The following HIPK4 variants were observed in gnomAD, a reference collection of about 807,000 sequenced individuals.
HIPK4 encodes the protein homeodomain interacting protein kinase 4, also known as homeodomain-interacting protein kinase 4.
HIPK4 carries 26 observed loss-of-function variants against 44.8 expected under a neutral mutation model. That is an observed-to-expected ratio of 0.58 (90% CI 0.43 to 0.80). The LOEUF is 0.80. Among genes scored for constraint, HIPK4 ranks in the 30% least tolerant of loss-of-function variants. The probability of loss-of-function intolerance (pLI) is 0.00; values close to 1 mark genes in which losing one functional copy is unlikely to be tolerated. For synonymous variants in HIPK4, 340 were observed against 355.5 expected (o/e 0.96, Z 0.49); for missense variants, 729 against 862.6 (o/e 0.85, Z 1.94).
intron 2 of HIPK4, among the ~76,000 whole-genome samples, chr19:40,382,906 G>A (rs2079344050): frequency 6.6e-6 from 1 of 151,212 alleles, no homozygotes; most frequent in Non-Finnish European, 1.5e-5. Flanking sequence ...AAATTGCCGG[G>A]TGTGATGGTG....
chr19:40,383,712 T>A, intron 2 of HIPK4, 71 bp downstream of exon 2: 1 of 1,213,162 alleles, frequency 8.2e-7, no homozygotes, highest in Non-Finnish European at 1.2e-6. Flanking sequence ...GTGAGCCACG[T>A]TGCCCACCCT....
In HIPK4 at chr19:40,380,331, C is replaced by G. The variant is rs1382302405; in HGVS notation, c.1660G>C (p.Glu554Gln). 6.2e-7 allele frequency: 1 copy of G among 1,612,822 alleles called. No individual in the cohort carries two copies. The highest frequency in any genetic ancestry group is 8.5e-7 in the Non-Finnish European group (1 of 1,179,006). Residue 554 changes from glutamate (E) to glutamine (Q), a missense_variant, in exon 3 of 4, where the codon GAA (glutamate) becomes CAA (glutamine). Physicochemically the swap from Glu to Gln is conservative, Grantham distance 29 (BLOSUM62 2). Coordinates refer to ENST00000291823, the MANE Select transcript of HIPK4 (RefSeq NM_144685.5). The surrounding 1 kb of genome is among the most constrained non-coding windows in gnomAD (Gnocchi z 4.2). ...DGPNIDNMTM[E>Q]AERPDPELFD... is the part of the protein sequence containing the mutation. ...GAACGCACCCGGCTCACCTCAGCTT[C>G]CATGGTCATGTTGTCAATGTTGGGC...
chr19:40,389,457 C>A lies in HIPK4; in HGVS notation c.446G>T (p.Arg149Leu), dbSNP rs776313176. Residue 149 changes from arginine (R) to leucine (L), a missense_variant, in exon 1 of 4, where the codon CGC (arginine) becomes CTC (leucine). By Grantham distance (102) the Arg-to-Leu change is moderately radical (BLOSUM62 -2). Transcript: ENST00000291823. The surrounding 1 kb of genome is among the most constrained non-coding windows in gnomAD (Gnocchi z 4.6). The part of the protein sequence containing the change: ...PENIMLVDQT[R>L]CPFRVKVIDF... Reference sequence around the variant, plus strand: ...ACTCACCTTGACCCTGAAGGGGCAGCGGGTCTGGTCCACCAGCATGATGTT... The same window carrying A: ...ACTCACCTTGACCCTGAAGGGGCAGAGGGTCTGGTCCACCAGCATGATGTT... 1.9e-6 allele frequency: 3 copies of A among 1,586,470 alleles called. No individual in the cohort carries two copies. Among genetic ancestry groups the A allele is most frequent in the Non-Finnish European group, 2.6e-6 (3 of 1,162,844 alleles).
At position 40,381,099 on chromosome 19, in the gene HIPK4, T is replaced by C. The variant is rs1298137538; in HGVS notation, c.892A>G (p.Ser298Gly). Residue 298 changes from serine to glycine, a missense_variant, in exon 3 of 4, where the codon AGT becomes GGT. Ser to Gly is a moderately conservative substitution (Grantham distance 56). This residue lies in a region of HIPK4 where 533 missense variants were observed against 567.5 expected (regional missense o/e 0.94). Transcript: ENST00000291823. Reference sequence around the variant, plus strand: ...GGGAAGGTTAGCCGACTGGCCACACTGCCACCATTCACTGTCTCAATCTGG... The same window carrying C: ...GGGAAGGTTAGCCGACTGGCCACACCGCCACCATTCACTGTCTCAATCTGG... ...LDQIETVNGG[S>G]VASRLTFPDR... The C allele has an allele frequency of 6.2e-7, 1 of 1,611,328 alleles. No individual in the cohort carries two copies. Among genetic ancestry groups the C allele is most frequent in the Admixed American group, 1.7e-5 (1 of 60,010 alleles).
chr19:40,383,081 C>CTT (rs71171564), intron 2 of HIPK4, among the ~76,000 whole-genome samples: 7 of 78,582 alleles, frequency 8.9e-5, no homozygotes, highest in East Asian at 4.4e-4. Context: ...TCTTTTCTTT[C>CTT]TTTTTTTTTT....
chr19:40,388,851 C>A (rs527893858), intron 1 of HIPK4, among the ~76,000 whole-genome samples: 4 of 152,164 alleles, frequency 2.6e-5, no homozygotes, highest in Non-Finnish European at 5.9e-5. Context: ...ACTTTGAGAC[C>A]AGCCTGGGCA....
chr19:40,387,591 G>A (rs1000172461), intron 1 of HIPK4, among the ~76,000 whole-genome samples: 8 of 151,874 alleles, frequency 5.3e-5, no homozygotes, highest in Admixed American at 3.3e-4. Flanking sequence ...CGATTCTCCT[G>A]CATCAGCCTC....
rs142414559 is a variant in HIPK4, at chr19:40,385,683, CTTTTTTTT to C, written c.466-1552_466-1545del. ...CCTGTTTTTCTTTTTCTTTTCTTTTCTTTTTTTTTTTTTTTTTTTTTTTTTTGAGTCGG... is the reference window on the plus strand; with the variant it reads ...CCTGTTTTTCTTTTTCTTTTCTTTTCTTTTTTTTTTTTTTTTTTGAGTCGG... On this transcript the variant is annotated intron_variant, in intron 1 of 3. Coordinates refer to ENST00000291823, the MANE Select transcript of HIPK4 (RefSeq NM_144685.5). Among the ~76,000 whole-genome samples the C allele has an allele frequency of 9.0e-5, 6 of 67,022 alleles. No homozygotes were observed. The South Asian group carries it at 1.4e-3, about 16-fold the overall frequency. The allele number at this position is 67,022 out of a possible 152,430, so 44.0% of individuals were successfully genotyped here. A position where few individuals can be genotyped will look rare whatever the true frequency, so the allele number is the denominator to read the frequency against.
At chr19:40,382,062 T>G (rs1441614162) in intron 2 of HIPK4, among the ~76,000 whole-genome samples, 2 of 152,062 alleles carry the variant, frequency 1.3e-5, no homozygotes, top group East Asian at 3.9e-4. Context: ...CACCTCGGCC[T>G]CCCAAAGTGC....
At chr19:40,388,171 C>T (rs1284265123) in intron 1 of HIPK4, among the ~76,000 whole-genome samples, 1 of 152,092 alleles carries the variant, frequency 6.6e-6, no homozygotes, top group Non-Finnish European at 1.5e-5. Context: ...GTGCCCGCCA[C>T]CACACCCGGC....
At position 40,379,539 on chromosome 19, in the gene HIPK4, C is replaced by T; in HGVS notation, c.*48G>A. The T allele has an allele frequency of 7.0e-7, 1 of 1,431,448 alleles. No homozygotes were observed. 88.7% of individuals were successfully genotyped at this position (1,431,448 alleles called of 1,614,324 possible). A position where few individuals can be genotyped will look rare whatever the true frequency, so the allele number is the denominator to read the frequency against. ...AGCAGTTCAGGTTGGGAGGGAATGC[C>T]AGCCCAGCTAGCGCAGCCCCCAGTG... is the stretch of plus-strand genomic sequence containing the variant. On this transcript the variant is annotated 3_prime_UTR_variant, in exon 4 of 4. Transcript: ENST00000291823.
chr19:40,388,137 C>T (rs1693761580), intron 1 of HIPK4, among the ~76,000 whole-genome samples: 2 of 151,606 alleles, frequency 1.3e-5, no homozygotes, highest in East Asian at 3.9e-4. Flanking sequence ...TCTGCTTCAG[C>T]CTCTGGAGTA....
rs1195732831 is a variant in HIPK4, at chr19:40,380,563, G to A, written c.1428C>T (p.Ala476=). ...GGCCTGCCAGGCGGCTGCTGTAGAA[G>A]GCCAGGATGGGCTCAGGGCCCGAGT... The part of the protein sequence containing the change: ...VPDSGPEPIL[A]FYSSRLAGRH... Residue 476 remains alanine (A), a synonymous_variant, in exon 3 of 4, where the codon GCC becomes GCT. Coordinates refer to ENST00000291823, the MANE Select transcript of HIPK4 (RefSeq NM_144685.5). The surrounding 1 kb of genome is among the most constrained non-coding windows in gnomAD (Gnocchi z 4.2). The A allele has an allele frequency of 6.2e-7, 1 of 1,612,414 alleles. No individual in the cohort carries two copies. The highest frequency in any genetic ancestry group is 1.1e-5 in the South Asian group (1 of 91,076).
Position 40,379,785 on chromosome 19 carries a change from GA to G in HIPK4, c.1669-17del, listed in dbSNP as rs779432666. On this transcript the variant is annotated splice_polypyrimidine_tract_variant and intron_variant, in intron 3 of 3. Transcript: ENST00000291823. ...GGTCTGGCCTCTGTGGGGGAAGAGA[GA>G]GGGGCATCAGCCAAGCAGTGTTAGT... 5.6e-6 allele frequency: 9 copies of G among 1,603,826 alleles called. No homozygotes were observed. The South Asian group carries it at 1.0e-4, about 18-fold the overall frequency.
In HIPK4 at chr19:40,380,845, G is replaced by A. The variant is rs149380218; in HGVS notation, c.1146C>T (p.Pro382=). The part of the protein sequence containing the change: ...SLQVEGKPPT[P]VVAAEDGTPY... The stretch of plus-strand genomic sequence containing the variant: ...GGGTCCCATCTTCTGCGGCCACGAC[G>A]GGCGTGGGGGGCTTCCCCTCCACTT... Residue 382 remains proline, a synonymous_variant, in exon 3 of 4, where the codon CCC becomes CCT. Coordinates refer to ENST00000291823, the MANE Select transcript of HIPK4 (RefSeq NM_144685.5). This position sits in a 1 kb window ranked among gnomAD's most constrained non-coding sequence, Gnocchi z 4.2. The A allele has an allele frequency of 1.1e-4, 180 of 1,609,170 alleles. No homozygotes were observed. The African/African-American group carries it at 1.8e-3, about 16-fold the overall frequency.
rs748245677 is a variant in HIPK4, at chr19:40,380,507, G to C, written c.1484C>G (p.Ser495Cys). ...RHKARKPPAG[S>C]KSDSNFSNLI... is the part of the protein sequence containing the mutation. Reference sequence around the variant, plus strand: ...GTTGCTGAAGTTGGAGTCGGACTTGGAACCCGCAGGTGGCTTGCGGGCCTT... The same window carrying C: ...GTTGCTGAAGTTGGAGTCGGACTTGCAACCCGCAGGTGGCTTGCGGGCCTT... The change falls in exon 3 of 4, where the codon TCC (serine) becomes TGC (cysteine). Residue 495 changes from serine to cysteine, a missense_variant. By Grantham distance (112) the Ser-to-Cys change is moderately radical. Transcript: ENST00000291823. This position sits in a 1 kb window ranked among gnomAD's most constrained non-coding sequence, Gnocchi z 4.2. The C allele has an allele frequency of 3.7e-6, 6 of 1,612,502 alleles. No individual in the cohort carries two copies. In the South Asian group the frequency reaches 5.5e-5, roughly 15 times the overall value.
chr19:40,389,710 G>A lies in HIPK4; in HGVS notation c.193C>T (p.Leu65=). The A allele has an allele frequency of 1.9e-6, 3 of 1,614,228 alleles. No individual in the cohort carries two copies. The highest frequency in any genetic ancestry group is 2.5e-6 in the Non-Finnish European group (3 of 1,180,038). ...ELKLLHCMRG[L]DPEEAHVIRF... The stretch of plus-strand genomic sequence containing the variant: ...ATGACGTGGGCCTCTTCAGGGTCTA[G>A]GCCTCGCATGCAGTGCAGCAGCTTC... The change falls in exon 1 of 4, where the codon CTA becomes TTA. Residue 65 remains leucine, a synonymous_variant. Transcript: ENST00000291823. The surrounding 1 kb of genome is among the most constrained non-coding windows in gnomAD (Gnocchi z 4.6).
At position 40,381,116 on chromosome 19, in the gene HIPK4, T is replaced by A; in HGVS notation, c.875A>T (p.Glu292Val). 6.2e-7 allele frequency: 1 copy of A among 1,609,076 alleles called. No homozygotes were observed. The highest frequency in any genetic ancestry group is 8.5e-7 in the Non-Finnish European group (1 of 1,179,852). The change falls in exon 3 of 4, where the codon GAG becomes GTG. Residue 292 changes from glutamate to valine, a missense_variant. This residue lies in a region of HIPK4 where 533 missense variants were observed against 567.5 expected (regional missense o/e 0.94). Transcript: ENST00000291823. ...KYMLKSLDQI[E>V]TVNGGSVASR... ...GGCCACACTGCCACCATTCACTGTC[T>A]CAATCTGGTCCAACGACTTGAGCAT...
At chr19:40,383,718 A>G in intron 2 of HIPK4, 65 bp downstream of exon 2, 1 of 1,284,534 alleles carries the variant, frequency 7.8e-7, no homozygotes, top group Non-Finnish European at 1.1e-6. Flanking sequence ...CACGTTGCCC[A>G]CCCTAGAATT....
Sources: gnomAD v4.1 joint callset for allele counts (sites outside exome capture counted in the v4.1 genomes callset) on GRCh38, gnomAD v4.1.1 for gene constraint, gnomAD v4.1.1 regional missense constraint, Gnocchi (gnomAD v3.1) non-coding constraint, MANE v1.5 for transcripts, NCBI Gene and HGNC (gene_info 2026-07-23, HGNC 2026-07-21) for gene names.